VEGFC: variants seen among roughly 807,000 people sequenced by gnomAD.
The protein encoded by VEGFC is vascular endothelial growth factor C, also known as FLT4 ligand DHM.
In VEGFC, 12 loss-of-function variants were observed where a neutral mutation model predicts 46.1. The ratio of observed to expected loss-of-function variants is 0.26; its 90% CI spans 0.17 to 0.42. VEGFC has a LOEUF of 0.42. Ranked by LOEUF, VEGFC falls within the 10% of genes least tolerant of loss-of-function variation. The pLI is 1.00. For synonymous variants in VEGFC, 232 were observed against 195.5 expected (o/e 1.19, Z -1.56); for missense variants, 488 against 529.4 (o/e 0.92, Z 0.77).
Position 176,687,068 on chromosome 4 carries a change from T to C in VEGFC, c.1145+119A>G. On this transcript the variant is annotated intron_variant, in intron 6 of 6. Transcript: ENST00000618562. ...GTTAAAAAAATATAAGATTTTTGTC[T>C]TTCAGAATGTATTGGCCTCATTCTA... 2.7e-6 allele frequency: 3 copies of C among 1,130,786 alleles called. No individual in the cohort carries two copies. The South Asian group carries it at 4.8e-5, about 18-fold the overall frequency. The allele number at this position is 1,130,786 out of a possible 1,614,324, so 70.0% of individuals were successfully genotyped here.
At chr4:176,743,605 T>C (rs1579118413) in intron 1 of VEGFC, among the ~76,000 whole-genome samples, 1 of 149,956 alleles carries the variant, frequency 6.7e-6, no homozygotes, top group South Asian at 2.1e-4. Flanking sequence ...AATTATGAAA[T>C]ATATAATATT....
intron 3 of VEGFC, among the ~76,000 whole-genome samples, chr4:176,727,354 C>T (rs918969260): frequency 4.6e-5 from 7 of 152,324 alleles, no homozygotes; most frequent in African/African-American, 1.7e-4. Context: ...TTTCACAGAA[C>T]ACACGCATTT....
intron 4 of VEGFC, among the ~76,000 whole-genome samples, chr4:176,692,892 T>C: frequency 6.8e-6 from 1 of 146,718 alleles, no homozygotes; most frequent in Admixed American, 6.7e-5. Context: ...AGCAGGGTAT[T>C]CCAACAGACC....
chr4:176,769,639 G>C (rs1014825247), intron 1 of VEGFC, among the ~76,000 whole-genome samples: 4 of 152,254 alleles, frequency 2.6e-5, no homozygotes, highest in Admixed American at 2.6e-4. Context: ...CACAGGGATG[G>C]AGTTAGAATT....
chr4:176,690,450 GT>G (rs1286265877), intron 4 of VEGFC, among the ~76,000 whole-genome samples: 3 of 150,256 alleles, frequency 2.0e-5, no homozygotes, highest in African/African-American at 7.4e-5. Flanking sequence ...TGTAAACCTT[GT>G]TTTTTTCACT....
At chr4:176,790,743 T>C (rs967081445) in intron 1 of VEGFC, among the ~76,000 whole-genome samples, 2 of 152,196 alleles carry the variant, frequency 1.3e-5, no homozygotes, top group African/African-American at 2.4e-5. Context: ...TTTGCAGAAA[T>C]AGCAAATAGG....
chr4:176,755,012 CATTGTCTGTAT>C (rs1735408371), intron 1 of VEGFC, among the ~76,000 whole-genome samples: 1 of 152,012 alleles, frequency 6.6e-6, no homozygotes, highest in Admixed American at 6.6e-5. Flanking sequence ...AACTTAAGAG[CATTGTCTGTAT>C]ATTCTATCTG....
At chr4:176,694,306 C>CA (rs1053190889) in intron 4 of VEGFC, among the ~76,000 whole-genome samples, 4 of 150,918 alleles carry the variant, frequency 2.7e-5, no homozygotes, top group East Asian at 1.9e-4. Flanking sequence ...AAATGGAAAA[C>CA]AAAAAAAGGC....
intron 1 of VEGFC, among the ~76,000 whole-genome samples, chr4:176,773,759 T>TA (rs1196277092): frequency 2.0e-5 from 3 of 152,168 alleles, no homozygotes; most frequent in African/African-American, 7.2e-5. Context: ...CACAGGTCAC[T>TA]ACAGCCTTGG....
intron 1 of VEGFC, among the ~76,000 whole-genome samples, chr4:176,758,525 G>C (rs569085634): frequency 6.6e-6 from 1 of 152,238 alleles, no homozygotes; most frequent in South Asian, 2.1e-4. Context: ...TTACTGACTA[G>C]AACTGAATTA....
At chr4:176,773,652 A>T (rs1219010060) in intron 1 of VEGFC, among the ~76,000 whole-genome samples, 1 of 152,144 alleles carries the variant, frequency 6.6e-6, no homozygotes, top group African/African-American at 2.4e-5. Flanking sequence ...CTGAAAATTG[A>T]TGGGAAGCAG....
chr4:176,698,734 G>A (rs1006778928), intron 4 of VEGFC, among the ~76,000 whole-genome samples: 6 of 151,940 alleles, frequency 3.9e-5, no homozygotes, highest in East Asian at 1.9e-4. Context: ...CCCCAAGACC[G>A]TGGTGACCAC....
chr4:176,769,622 C>T (rs560339425), intron 1 of VEGFC, among the ~76,000 whole-genome samples: 4 of 152,268 alleles, frequency 2.6e-5, no homozygotes, highest in African/African-American at 9.6e-5. Flanking sequence ...AAAGCATGAA[C>T]ATGACTCACA....
chr4:176,722,227 T>G (rs1560945650), intron 3 of VEGFC, among the ~76,000 whole-genome samples: 1 of 151,908 alleles, frequency 6.6e-6, no homozygotes, highest in Admixed American at 6.6e-5. Context: ...AAGCAAATGA[T>G]TGGGAAGAAG....
intron 4 of VEGFC, among the ~76,000 whole-genome samples, chr4:176,695,934 C>T (rs1734304061): frequency 6.7e-6 from 1 of 149,982 alleles, no homozygotes; most frequent in African/African-American, 2.5e-5. Flanking sequence ...AATTCAACAA[C>T]CCTTCATGCT....
chr4:176,756,026 T>C (rs927624099), intron 1 of VEGFC, among the ~76,000 whole-genome samples: 5 of 152,064 alleles, frequency 3.3e-5, no homozygotes, highest in African/African-American at 1.2e-4. Context: ...TAATGTGATG[T>C]AGACATCAAA....
chr4:176,719,334 C>G (rs1734745581), intron 3 of VEGFC, among the ~76,000 whole-genome samples: 1 of 151,836 alleles, frequency 6.6e-6, no homozygotes, highest in Admixed American at 6.6e-5. Context: ...TAAGAAAACA[C>G]AGCATTAAGA....
At chr4:176,688,856 G>A (rs988232773) in intron 4 of VEGFC, among the ~76,000 whole-genome samples, 15 of 152,110 alleles carry the variant, frequency 9.9e-5, no homozygotes, top group Admixed American at 9.2e-4. Flanking sequence ...CATTTCTTCA[G>A]GAGCCCTAAT....
At chr4:176,699,932 G>A (rs1402780404) in intron 4 of VEGFC, among the ~76,000 whole-genome samples, 4 of 152,166 alleles carry the variant, frequency 2.6e-5, no homozygotes, top group East Asian at 1.9e-4. Flanking sequence ...TTGTGTTAGC[G>A]TCTGTTTGTG....
Sources: allele counts gnomAD v4.1 joint callset (sites outside exome capture counted in the v4.1 genomes callset), GRCh38; gene constraint gnomAD v4.1.1; transcripts MANE v1.5; gene names NCBI Gene and HGNC (gene_info 2026-07-23, HGNC 2026-07-21).